Variants in PCDH15 observed in about 807,000 individuals in gnomAD.
The protein encoded by PCDH15 is protocadherin related 15.
Under a neutral mutation model 178.5 loss-of-function variants are expected in PCDH15, and 129 were observed. The observed-to-expected ratio is 0.72, with a 90% confidence interval of 0.63 to 0.84. The LOEUF (loss-of-function observed/expected upper bound fraction) is 0.84. Ranked by LOEUF, PCDH15 falls within the 40% of genes least tolerant of loss-of-function variation. The pLI, the probability that PCDH15 is intolerant of heterozygous loss-of-function variation, is 0.00. For missense variants in PCDH15, 2,230 were observed against 2,099.9 expected (o/e 1.06, Z -1.21); for synonymous variants, 800 against 732.0 (o/e 1.09, Z -1.50).
chr10:55,626,325 G>A (rs886781890), intron 2 of PCDH15, among the ~76,000 whole-genome samples: 1 of 152,100 alleles, frequency 6.6e-6, no homozygotes, highest in Non-Finnish European at 1.5e-5. Context: ...GCCTCCCACT[G>A]CTTTATAGGA....
chr10:54,307,033 T>TGG (rs2060527584), intron 8 of PCDH15, among the ~76,000 whole-genome samples: 1 of 23,370 alleles, frequency 4.3e-5, no homozygotes, highest in Non-Finnish European at 8.4e-5. Flanking sequence ...TATATATGTG[T>TGG]GTGTGTGTAT....
intron 2 of PCDH15, among the ~76,000 whole-genome samples, chr10:55,123,215 A>C (rs536343518): frequency 1.3e-5 from 2 of 152,018 alleles, no homozygotes; most frequent in Non-Finnish European, 1.5e-5. Context: ...AAAAAACATG[A>C]ATATTATAGT....
intron 2 of PCDH15, among the ~76,000 whole-genome samples, chr10:55,023,350 T>G (rs1266107624): frequency 1.3e-5 from 2 of 152,216 alleles, no homozygotes; most frequent in African/African-American, 4.8e-5. Context: ...ACAAACGCAG[T>G]GTAGATAAAA....
intron 3 of PCDH15, among the ~76,000 whole-genome samples, chr10:54,848,862 G>A (rs1015035767): frequency 6.6e-6 from 1 of 152,132 alleles, no homozygotes; most frequent in Non-Finnish European, 1.5e-5. Flanking sequence ...TGAAAATGCA[G>A]TATGTAAGCT....
intron 3 of PCDH15, among the ~76,000 whole-genome samples, chr10:54,380,584 C>A (rs1211328055): frequency 8.8e-6 from 1 of 113,604 alleles, no homozygotes; most frequent in Non-Finnish European, 1.9e-5. Flanking sequence ...AACATTAATA[C>A]CTTGACTCAA....
At chr10:55,462,348 T>C (rs1168082563) in intron 2 of PCDH15, among the ~76,000 whole-genome samples, 4 of 152,138 alleles carry the variant, frequency 2.6e-5, no homozygotes, top group Admixed American at 2.6e-4. Context: ...ATTTTTCTCA[T>C]AGTACATTAT....
At chr10:55,528,766 A>G (rs1396253348) in intron 2 of PCDH15, among the ~76,000 whole-genome samples, 2 of 151,948 alleles carry the variant, frequency 1.3e-5, no homozygotes, top group African/African-American at 2.4e-5. Context: ...TGGGTCAAAT[A>G]GTATTTCTAG....
chr10:53,936,127 GTGGTT>G (rs1441203180), intron 25 of PCDH15, among the ~76,000 whole-genome samples: 1 of 152,148 alleles, frequency 6.6e-6, no homozygotes, highest in African/African-American at 2.4e-5. Context: ...CTTCAGAAAT[GTGGTT>G]TCTTGCACAA....
chr10:54,186,874 A>G (rs1233682041), intron 11 of PCDH15, among the ~76,000 whole-genome samples: 1 of 152,014 alleles, frequency 6.6e-6, no homozygotes, highest in African/African-American at 2.4e-5. Context: ...GAAAATGCAT[A>G]TGTCTATTCT....
chr10:55,247,377 C>T (rs559966164), intron 1 of PCDH15, among the ~76,000 whole-genome samples: 12 of 152,166 alleles, frequency 7.9e-5, no homozygotes, highest in South Asian at 2.1e-4. Context: ...GTCAAACAGG[C>T]CATGTTTATT....
At chr10:54,674,637 G>C (rs1365183046) in intron 1 of PCDH15, among the ~76,000 whole-genome samples, 1 of 152,026 alleles carries the variant, frequency 6.6e-6, no homozygotes, top group African/African-American at 2.4e-5. Context: ...ATTTGACTTA[G>C]AAAAATAACT....
At chr10:54,181,681 C>G (rs2047998704) in intron 13 of PCDH15, among the ~76,000 whole-genome samples, 1 of 152,128 alleles carries the variant, frequency 6.6e-6, no homozygotes, top group African/African-American at 2.4e-5. Flanking sequence ...GCCCTGAAAT[C>G]AAATGCTTTA....
chr10:55,503,785 G>A (rs534082297), intron 2 of PCDH15, among the ~76,000 whole-genome samples: 1 of 151,494 alleles, frequency 6.6e-6, no homozygotes, highest in South Asian at 2.1e-4. Context: ...ATCTTGTCAA[G>A]GAGTAAAAGG....
chr10:54,593,027 G>C (rs936353554), intron 2 of PCDH15, among the ~76,000 whole-genome samples: 1 of 151,866 alleles, frequency 6.6e-6, no homozygotes, highest in Non-Finnish European at 1.5e-5. Context: ...GTCCATTTTT[G>C]TAAATTTATT....
chr10:54,498,170 A>G (rs2080311924), intron 3 of PCDH15, among the ~76,000 whole-genome samples: 1 of 152,168 alleles, frequency 6.6e-6, no homozygotes, highest in African/African-American at 2.4e-5. Context: ...CTTAAAGAAA[A>G]GAAATTCCAT....
At chr10:55,401,719 A>G (rs1247588198) in intron 2 of PCDH15, among the ~76,000 whole-genome samples, 3 of 151,714 alleles carry the variant, frequency 2.0e-5, no homozygotes, top group Non-Finnish European at 4.4e-5. Flanking sequence ...AGGGAAGAAG[A>G]CCAGAAGTGA....
chr10:54,280,984 C>T (rs996202427), intron 8 of PCDH15, among the ~76,000 whole-genome samples: 8 of 151,680 alleles, frequency 5.3e-5, no homozygotes, highest in Non-Finnish European at 1.0e-4. Flanking sequence ...AGTTTGTTTT[C>T]TAACTTATCT....
intron 21 of PCDH15, among the ~76,000 whole-genome samples, chr10:53,962,234 G>A (rs2088421139): frequency 6.6e-6 from 1 of 152,048 alleles, no homozygotes; most frequent in Non-Finnish European, 1.5e-5. Context: ...TTCAGAGACA[G>A]GGTCTTCCTT....
At chr10:54,443,745 T>C (rs1417027691) in intron 3 of PCDH15, among the ~76,000 whole-genome samples, 1 of 151,748 alleles carries the variant, frequency 6.6e-6, no homozygotes, top group African/African-American at 2.4e-5. Context: ...TATTTTGTTC[T>C]AGTGGATTAC....
Sources: allele counts gnomAD v4.1 joint callset (sites outside exome capture counted in the v4.1 genomes callset), GRCh38; gene constraint gnomAD v4.1.1; transcripts MANE v1.5; gene names NCBI Gene and HGNC (gene_info 2026-07-23, HGNC 2026-07-21).